Variants in IMPG1 observed in about 807,000 individuals in gnomAD.
IMPG1 encodes interphotoreceptor matrix proteoglycan of 150 kDa.
A neutral mutation model predicts 92.0 loss-of-function variants in IMPG1; 85 were observed. The ratio of observed to expected loss-of-function variants is 0.92; its 90% CI spans 0.78 to 1.11. The LOEUF (loss-of-function observed/expected upper bound fraction) is 1.11. IMPG1 is among the 50% of genes least tolerant of loss of function. IMPG1 has a pLI of 0.00. For missense variants in IMPG1, 1,022 were observed against 956.0 expected (o/e 1.07, Z -0.91); for synonymous variants, 367 against 334.1 (o/e 1.10, Z -1.08).
intron 12 of IMPG1, among the ~76,000 whole-genome samples, chr6:75,976,870 C>T (rs1215964004): frequency 1.3e-5 from 2 of 151,218 alleles, no homozygotes. Flanking sequence ...TGAGATTGTG[C>T]CACTGCACTC....
At chr6:75,924,395 T>C (rs967794881) in intron 15 of IMPG1, among the ~76,000 whole-genome samples, 1 of 121,492 alleles carries the variant, frequency 8.2e-6, no homozygotes, top group African/African-American at 3.2e-5. Flanking sequence ...ATTACATATA[T>C]AAAAAATTAT....
intron 14 of IMPG1, among the ~76,000 whole-genome samples, chr6:75,937,225 C>T (rs1000439665): frequency 2.0e-5 from 3 of 151,530 alleles, no homozygotes; most frequent in African/African-American, 7.3e-5. Context: ...ATAAAGGGGA[C>T]TCTTGGGCAC....
chr6:75,959,708 T>G (rs1782184190), intron 12 of IMPG1, among the ~76,000 whole-genome samples: 3 of 152,170 alleles, frequency 2.0e-5, no homozygotes, highest in Admixed American at 2.0e-4. Context: ...GTGGACTCCC[T>G]TCCCCTCACC....
chr6:76,023,511 C>T (rs920115907), intron 5 of IMPG1, among the ~76,000 whole-genome samples: 7 of 152,188 alleles, frequency 4.6e-5, no homozygotes, highest in Admixed American at 1.3e-4. Context: ...GGTTTGTCTT[C>T]GAGCACATTC....
intron 4 of IMPG1, among the ~76,000 whole-genome samples, chr6:76,027,067 C>T (rs1322450795): frequency 6.6e-6 from 1 of 152,152 alleles, no homozygotes; most frequent in East Asian, 1.9e-4. Flanking sequence ...AAGACAAGCA[C>T]TTGGATCTAA....
chr6:75,938,042 T>G (rs1417972197), intron 14 of IMPG1, among the ~76,000 whole-genome samples: 1 of 152,246 alleles, frequency 6.6e-6, no homozygotes, highest in Non-Finnish European at 1.5e-5. Flanking sequence ...TGTGACTTAC[T>G]CGGTTTTTCA....
intron 12 of IMPG1, among the ~76,000 whole-genome samples, chr6:75,955,616 G>C (rs1232667793): frequency 6.6e-6 from 1 of 152,048 alleles, no homozygotes; most frequent in African/African-American, 2.4e-5. Context: ...GATTGCCCTG[G>C]CCAGAACTTC....
At chr6:76,035,218 G>A (rs935306163) in intron 2 of IMPG1, among the ~76,000 whole-genome samples, 1 of 151,776 alleles carries the variant, frequency 6.6e-6, no homozygotes, top group African/African-American at 2.4e-5. Flanking sequence ...AAGATGTGGC[G>A]AGGGCCAGGC....
intron 1 of IMPG1, among the ~76,000 whole-genome samples, chr6:76,051,544 T>C (rs141083899): frequency 1.3e-5 from 2 of 152,212 alleles, no homozygotes; most frequent in African/African-American, 2.4e-5. Flanking sequence ...GAATAAATGA[T>C]GCAAAAGAAG....
At chr6:76,059,182 T>C (rs1784165529) in intron 1 of IMPG1, among the ~76,000 whole-genome samples, 1 of 152,080 alleles carries the variant, frequency 6.6e-6, no homozygotes, top group Non-Finnish European at 1.5e-5. Flanking sequence ...AATTTCAGTG[T>C]TTTGATAGTG....
chr6:75,968,479 C>A (rs1782348314), intron 12 of IMPG1, among the ~76,000 whole-genome samples: 1 of 151,752 alleles, frequency 6.6e-6, no homozygotes, highest in Non-Finnish European at 1.5e-5. Context: ...TTCTATCTAT[C>A]CTTTTATCTT....
intron 15 of IMPG1, among the ~76,000 whole-genome samples, chr6:75,929,703 A>G (rs1781631347): frequency 6.6e-6 from 1 of 151,920 alleles, no homozygotes; most frequent in Admixed American, 6.6e-5. Context: ...GTATAATAAT[A>G]ATAAAATTAA....
rs374516652 is a variant in IMPG1, at chr6:75,936,140, AT to A, written c.2045-4990del. ...AGCGGGGAAAGCCTGGCTTCTAGAA[AT>A]TGTCTGTGGTCTTGGGAACATAGGT... On this transcript the variant is annotated intron_variant, in intron 14 of 16. Coordinates refer to ENST00000369950, the MANE Select transcript of IMPG1 (RefSeq NM_001563.4). 2.8e-4 allele frequency among the ~76,000 whole-genome samples: 42 copies of A among 152,302 alleles called. 1 individual carries two copies. In the East Asian group the frequency reaches 6.9e-3, roughly 25 times the overall value.
chr6:76,002,526 C>T (rs147796194), intron 12 of IMPG1, among the ~76,000 whole-genome samples: 14 of 152,336 alleles, frequency 9.2e-5, no homozygotes, highest in Admixed American at 3.9e-4. Context: ...GCCCAGTCCA[C>T]GGTTGACATG....
At chr6:75,941,517 A>T (rs1212602540) in intron 14 of IMPG1, among the ~76,000 whole-genome samples, 1 of 152,246 alleles carries the variant, frequency 6.6e-6, no homozygotes, top group East Asian at 1.9e-4. Flanking sequence ...TTATGTAAGT[A>T]CCTACATAAT....
intron 12 of IMPG1, among the ~76,000 whole-genome samples, chr6:75,993,371 A>C (rs1562362288): frequency 6.6e-6 from 1 of 152,168 alleles, no homozygotes; most frequent in Non-Finnish European, 1.5e-5. Context: ...GAAGTCCAAG[A>C]TCAAGGCACC....
chr6:75,952,025 C>G (rs768191987), intron 12 of IMPG1, among the ~76,000 whole-genome samples: 8 of 152,140 alleles, frequency 5.3e-5, no homozygotes, highest in African/African-American at 1.7e-4. Flanking sequence ...TTTCTACCAC[C>G]ATTTTGCATT....
At chr6:76,028,278 A>G (rs1199414187) in intron 4 of IMPG1, among the ~76,000 whole-genome samples, 1 of 152,212 alleles carries the variant, frequency 6.6e-6, no homozygotes, top group Admixed American at 6.5e-5. Context: ...AAGATAGTTT[A>G]TAATAAGCTG....
chr6:75,985,017 C>G (rs985348811), intron 12 of IMPG1, among the ~76,000 whole-genome samples: 13 of 152,196 alleles, frequency 8.5e-5, no homozygotes, highest in Non-Finnish European at 4.4e-5. Context: ...ATAAATAACC[C>G]AGCTTCAGGT....
Sources: gnomAD v4.1 joint callset for allele counts (sites outside exome capture counted in the v4.1 genomes callset) on GRCh38, gnomAD v4.1.1 for gene constraint, MANE v1.5 for transcripts, NCBI Gene and HGNC (gene_info 2026-07-23, HGNC 2026-07-21) for gene names.